Variants in KAZN observed in about 807,000 individuals in gnomAD.
The protein encoded by KAZN is kazrin.
In KAZN, 40 loss-of-function variants were observed where a neutral mutation model predicts 87.4. That is an observed-to-expected ratio of 0.46 (90% CI 0.36 to 0.60). The LOEUF (loss-of-function observed/expected upper bound fraction) is 0.60, where lower values mean the gene tolerates loss of function less well. KAZN is among the 20% of genes least tolerant of loss of function. The pLI, the probability that KAZN is intolerant of heterozygous loss-of-function variation, is 0.00. For synonymous variants in KAZN, 466 were observed against 458.3 expected, an observed-to-expected ratio of 1.02 and a Z score of -0.22; for missense variants, 898 against 1,073.9, an observed-to-expected ratio of 0.84 and a Z score of 2.29.
intron 2 of KAZN, among the ~76,000 whole-genome samples, chr1:14,374,552 C>A (rs1660752214): frequency 6.6e-6 from 1 of 151,894 alleles, no homozygotes; most frequent in Admixed American, 6.6e-5. Context: ...TTTTTTTTCA[C>A]CAATGAAAAC....
chr1:14,157,146 C>A (rs1645612451), intron 1 of KAZN, among the ~76,000 whole-genome samples: 1 of 152,082 alleles, frequency 6.6e-6, no homozygotes, highest in Admixed American at 6.6e-5. Context: ...AACTTCATCC[C>A]TTCACTTTTT....
At chr1:14,755,236 G>C (rs1209176150) in intron 1 of KAZN, among the ~76,000 whole-genome samples, 2 of 152,106 alleles carry the variant, frequency 1.3e-5, no homozygotes, top group East Asian at 3.9e-4. Context: ...CCAGGCAACA[G>C]AGTAAGACCC....
At chr1:14,971,794 C>T (rs1345942619) in intron 2 of KAZN, among the ~76,000 whole-genome samples, 1 of 151,292 alleles carries the variant, frequency 6.6e-6, no homozygotes, top group Non-Finnish European at 1.5e-5. Context: ...CCATTCGGCA[C>T]CAGGAGTTTT....
chr1:14,915,431 CAGGAAATGGAGA>C (rs1329814170), intron 1 of KAZN, among the ~76,000 whole-genome samples: 1 of 152,150 alleles, frequency 6.6e-6, no homozygotes, highest in African/African-American at 2.4e-5. Context: ...AAATCACACG[CAGGAAATGGAGA>C]CACAGAGTCT....
At chr1:13,954,715 C>G (rs1190658668) in intron 1 of KAZN, among the ~76,000 whole-genome samples, 1 of 152,186 alleles carries the variant, frequency 6.6e-6, no homozygotes, top group Non-Finnish European at 1.5e-5. Flanking sequence ...AGAAGTCGGC[C>G]AGCTCTTATG....
At chr1:14,585,493 C>T (rs1364808490) in intron 2 of KAZN, among the ~76,000 whole-genome samples, 2 of 152,122 alleles carry the variant, frequency 1.3e-5, no homozygotes, top group African/African-American at 4.8e-5. Context: ...ACTTGGGGCA[C>T]GTTCTTCCCA....
chr1:15,060,060 A>G (rs1478765607), intron 5 of KAZN, 112 bp from the exon 6 acceptor site: 1 of 1,389,910 alleles, frequency 7.2e-7, no homozygotes, highest in Non-Finnish European at 9.9e-7. Flanking sequence ...CCTTCTCTAC[A>G]CCTCAGTGTT....
At chr1:14,376,175 G>C (rs951480719) in intron 2 of KAZN, among the ~76,000 whole-genome samples, 2 of 152,074 alleles carry the variant, frequency 1.3e-5, no homozygotes, top group East Asian at 1.9e-4. Context: ...AATCATCATC[G>C]AAAGTATGCA....
At chr1:14,331,521 G>A (rs1200224639) in intron 2 of KAZN, among the ~76,000 whole-genome samples, 3 of 152,168 alleles carry the variant, frequency 2.0e-5, no homozygotes, top group Non-Finnish European at 4.4e-5. Context: ...ATTTGTAAAT[G>A]TTGCAATAAT....
chr1:14,215,098 G>A (rs1461469918), intron 2 of KAZN, among the ~76,000 whole-genome samples: 1 of 152,208 alleles, frequency 6.6e-6, no homozygotes, highest in African/African-American at 2.4e-5. Context: ...TTGGAGTAAT[G>A]TGTACATTAA....
intron 2 of KAZN, among the ~76,000 whole-genome samples, chr1:14,453,959 A>C (rs976883930): frequency 6.6e-6 from 1 of 152,230 alleles, no homozygotes; most frequent in African/African-American, 2.4e-5. Flanking sequence ...CAAAGACATA[A>C]AAGGCCTTGC....
intron 1 of KAZN, among the ~76,000 whole-genome samples, chr1:13,910,543 G>C (rs1447386017): frequency 6.6e-6 from 1 of 150,412 alleles, no homozygotes; most frequent in Non-Finnish European, 1.5e-5. Flanking sequence ...CCCCCACCTT[G>C]CTCCTGCTTC....
chr1:14,243,830 T>C (rs1649234744), intron 2 of KAZN, among the ~76,000 whole-genome samples: 2 of 152,024 alleles, frequency 1.3e-5, no homozygotes, highest in African/African-American at 4.8e-5. Flanking sequence ...GGGGAAAACA[T>C]GTAATTATGC....
intron 1 of KAZN, among the ~76,000 whole-genome samples, chr1:14,885,384 A>T (rs772825873): frequency 1.1e-4 from 17 of 152,038 alleles, no homozygotes; most frequent in Non-Finnish European, 1.8e-4. Flanking sequence ...CCACCTATTG[A>T]ACTCCTCCTA....
intron 2 of KAZN, among the ~76,000 whole-genome samples, chr1:14,302,545 CTAAGAA>C (rs1374502237): frequency 1.3e-5 from 2 of 152,110 alleles, no homozygotes; most frequent in Non-Finnish European, 2.9e-5. Flanking sequence ...TCAGGAAACT[CTAAGAA>C]TAAAGGTTAG....
At chr1:15,065,576 G>T in intron 7 of KAZN, 54 bp from the exon 8 acceptor site, 1 of 1,495,218 alleles carries the variant, frequency 6.7e-7, no homozygotes, top group Non-Finnish European at 9.1e-7. Context: ...CCCCAGCTAA[G>T]CTTGGCTTTC....
At chr1:15,025,776 G>A (rs1180861737) in intron 2 of KAZN, among the ~76,000 whole-genome samples, 1 of 152,128 alleles carries the variant, frequency 6.6e-6, no homozygotes, top group African/African-American at 2.4e-5. Context: ...TGTTGGCTGC[G>A]CGAGCCGGTC....
intron 1 of KAZN, among the ~76,000 whole-genome samples, chr1:14,008,926 A>G (rs1035104451): frequency 6.6e-6 from 1 of 152,184 alleles, no homozygotes; most frequent in Non-Finnish European, 1.5e-5. Context: ...TTCATCTTGT[A>G]AAATGGAAAC....
At chr1:14,907,412 A>C (rs1046499880) in intron 1 of KAZN, among the ~76,000 whole-genome samples, 6 of 151,910 alleles carry the variant, frequency 3.9e-5, no homozygotes, top group African/African-American at 9.6e-5. Context: ...AAAAAAAAAA[A>C]AAAAACAAAA....
Sources: allele counts gnomAD v4.1 joint callset (sites outside exome capture counted in the v4.1 genomes callset), GRCh38; gene constraint gnomAD v4.1.1; transcripts MANE v1.5; gene names NCBI Gene and HGNC (gene_info 2026-07-23, HGNC 2026-07-21).